Variants in PDE4D observed in about 807,000 individuals in gnomAD.
The protein encoded by PDE4D is phosphodiesterase 4D.
Under a neutral mutation model 87.4 loss-of-function variants are expected in PDE4D, and 24 were observed. That is an observed-to-expected ratio of 0.27 (90% CI 0.20 to 0.39). The LOEUF is 0.39. PDE4D is among the 10% of genes least tolerant of loss of function. The pLI, the probability that PDE4D is intolerant of heterozygous loss-of-function variation, is 1.00. For missense variants in PDE4D, 714 were observed against 1,041.0 expected, an observed-to-expected ratio of 0.69 and a Z score of 4.32; for synonymous variants, 384 against 383.2, an observed-to-expected ratio of 1.00 and a Z score of -0.02.
At chr5:59,886,884 A>G (rs528406077) in intron 1 of PDE4D, among the ~76,000 whole-genome samples, 177 of 152,248 alleles carry the variant, frequency 1.2e-3, no homozygotes, top group African/African-American at 4.1e-3. Flanking sequence ...AATTACCTTA[A>G]GATTTAGAAG....
At chr5:60,385,371 GA>G (rs1301332559) in intron 1 of PDE4D, among the ~76,000 whole-genome samples, 1 of 152,220 alleles carries the variant, frequency 6.6e-6, no homozygotes, top group Non-Finnish European at 1.5e-5. Flanking sequence ...CACCAGGGGT[GA>G]AGAATCTGAG....
intron 1 of PDE4D, among the ~76,000 whole-genome samples, chr5:60,366,338 G>A (rs910745745): frequency 2.0e-5 from 3 of 151,976 alleles, no homozygotes; most frequent in Non-Finnish European, 4.4e-5. Context: ...AAGTATAACT[G>A]CCCCAAAGAT....
intron 1 of PDE4D, among the ~76,000 whole-genome samples, chr5:59,341,405 C>T (rs1490970846): frequency 6.6e-6 from 1 of 152,096 alleles, no homozygotes; most frequent in Non-Finnish European, 1.5e-5. Context: ...ATCAGAGTCC[C>T]TTATAATAGT....
At position 58,977,695 on chromosome 5, in the gene PDE4D, C is replaced by T. The variant is rs115410203; in HGVS notation, c.1553-350G>A. Among the ~76,000 whole-genome samples the T allele has an allele frequency of 1.6e-3, 251 of 152,206 alleles. 1 individual carries two copies. Among genetic ancestry groups the T allele is most frequent in the African/African-American group, 5.9e-3 (244 of 41,510 alleles). On this transcript the variant is annotated intron_variant, in intron 11 of 14. Coordinates refer to ENST00000340635, the MANE Select transcript of PDE4D (RefSeq NM_001104631.2). ...CTTAGTATCTATAACACATCCAGAG[C>T]ATAAGGTTTTGTATTCCTGATAACT...
At chr5:59,941,703 G>A (rs1290016511) in intron 3 of PDE4D, among the ~76,000 whole-genome samples, 2 of 152,228 alleles carry the variant, frequency 1.3e-5, no homozygotes, top group African/African-American at 4.8e-5. Flanking sequence ...CTGCATGACT[G>A]CATGAAACTC....
At chr5:59,894,106 C>T (rs1267765021), upstream of PDE4D, among the ~76,000 whole-genome samples, 1 of 152,110 alleles carries the variant, frequency 6.6e-6, no homozygotes, top group African/African-American at 2.4e-5. Flanking sequence ...GCTGGCACGC[C>T]CGAGCTGTGA....
chr5:59,741,797 G>C (rs1305568949), intron 1 of PDE4D, among the ~76,000 whole-genome samples: 1 of 152,064 alleles, frequency 6.6e-6, no homozygotes, highest in African/African-American at 2.4e-5. Flanking sequence ...AGAAGAAAAA[G>C]CTGACTATGG....
At chr5:59,079,295 A>G (rs1047030543) in intron 5 of PDE4D, among the ~76,000 whole-genome samples, 3 of 152,238 alleles carry the variant, frequency 2.0e-5, no homozygotes, top group Non-Finnish European at 4.4e-5. Flanking sequence ...CATTAAGAGA[A>G]AAATCTCATG....
intron 1 of PDE4D, among the ~76,000 whole-genome samples, chr5:59,837,827 C>G (rs990031709): frequency 1.3e-5 from 2 of 151,968 alleles, no homozygotes; most frequent in African/African-American, 4.8e-5. Context: ...GAAAGTTCAC[C>G]AATATTTTGA....
intron 1 of PDE4D, among the ~76,000 whole-genome samples, chr5:60,271,996 A>G (rs1287197566): frequency 6.6e-6 from 1 of 152,212 alleles, no homozygotes; most frequent in Non-Finnish European, 1.5e-5. Context: ...GTGGCAGTGC[A>G]TAAGGAAAGG....
At chr5:59,579,642 C>G (rs778202510) in intron 1 of PDE4D, among the ~76,000 whole-genome samples, 1 of 152,140 alleles carries the variant, frequency 6.6e-6, no homozygotes, top group Non-Finnish European at 1.5e-5. Context: ...CAGAGATAGG[C>G]AGTTTGAACA....
At chr5:60,088,309 C>CA (rs1396551084) in intron 2 of PDE4D, among the ~76,000 whole-genome samples, 5 of 150,034 alleles carry the variant, frequency 3.3e-5, no homozygotes, top group Non-Finnish European at 5.9e-5. Context: ...AAACAAAAAA[C>CA]AAAAAACAAA....
intron 1 of PDE4D, among the ~76,000 whole-genome samples, chr5:59,357,488 AG>A (rs1407225556): frequency 1.3e-5 from 2 of 152,156 alleles, no homozygotes; most frequent in Non-Finnish European, 2.9e-5. Flanking sequence ...TCTAAAAGTC[AG>A]TGTGAGAAAA....
intron 1 of PDE4D, among the ~76,000 whole-genome samples, chr5:60,506,169 A>G (rs1750312319): frequency 6.6e-6 from 1 of 152,208 alleles, no homozygotes; most frequent in South Asian, 2.1e-4. Flanking sequence ...GCATATAGGA[A>G]AGGACACAGT....
intron 1 of PDE4D, among the ~76,000 whole-genome samples, chr5:59,613,813 C>T (rs2150078634): frequency 6.6e-6 from 1 of 152,000 alleles, no homozygotes; most frequent in Non-Finnish European, 1.5e-5. Context: ...AAGAGAGAAA[C>T]AAGAGGAAAG....
intron 1 of PDE4D, among the ~76,000 whole-genome samples, chr5:60,268,034 CT>C (rs1211780702): frequency 3.9e-5 from 6 of 152,148 alleles, no homozygotes; most frequent in African/African-American, 1.4e-4. Context: ...GAAATGAGAC[CT>C]TTCCAAGCCC....
At chr5:59,899,368 A>T (rs1324885491) in intron 3 of PDE4D, among the ~76,000 whole-genome samples, 2 of 152,100 alleles carry the variant, frequency 1.3e-5, no homozygotes, top group African/African-American at 2.4e-5. Context: ...CTGGAGATAA[A>T]AAAGTCAATA....
chr5:59,608,211 CAG>C (rs1390959496), intron 1 of PDE4D, among the ~76,000 whole-genome samples: 1 of 152,066 alleles, frequency 6.6e-6, no homozygotes, highest in Non-Finnish European at 1.5e-5. Context: ...TATGTGAAAT[CAG>C]AGAGTGCTGA....
chr5:59,859,004 G>C (rs1745873846), intron 1 of PDE4D, among the ~76,000 whole-genome samples: 1 of 152,190 alleles, frequency 6.6e-6, no homozygotes, highest in African/African-American at 2.4e-5. Context: ...GGGAATTTAT[G>C]CTTTGTTGGT....
Sources: gnomAD v4.1 joint callset for allele counts (sites outside exome capture counted in the v4.1 genomes callset) on GRCh38, gnomAD v4.1.1 for gene constraint, MANE v1.5 for transcripts, NCBI Gene and HGNC (gene_info 2026-07-23, HGNC 2026-07-21) for gene names.